The following SCNN1B variants were observed in gnomAD, a reference collection of about 807,000 sequenced individuals.
The protein encoded by SCNN1B is epithelial sodium channel subunit beta.
Under a neutral mutation model 65.3 loss-of-function variants are expected in SCNN1B, and 46 were observed. The ratio of observed to expected loss-of-function variants is 0.70; its 90% CI spans 0.56 to 0.90. The LOEUF (loss-of-function observed/expected upper bound fraction) is 0.90, where lower values mean the gene tolerates loss of function less well. Among genes scored for constraint, SCNN1B ranks in the 40% least tolerant of loss-of-function variants. The pLI is 0.00. For synonymous variants in SCNN1B, 349 were observed against 330.6 expected (o/e 1.06, Z -0.60); for missense variants, 751 against 830.5 (o/e 0.90, Z 1.18).
upstream of SCNN1B, chr16:23,302,233 G>C (rs967959844): frequency 1.3e-5 from 2 of 152,406 alleles, no homozygotes; most frequent in African/African-American, 4.8e-5. Flanking sequence ...TGGCCAGGCC[G>C]GTAGCGCCCA....
chr16:23,341,945 T>C lies in SCNN1B; in HGVS notation c.-8-6647T>C, dbSNP rs184256344. Among the ~76,000 whole-genome samples the C allele has an allele frequency of 1.0e-3, 152 of 152,266 alleles. 4 individuals carry two copies. Among genetic ancestry groups the C allele is most frequent in the African/African-American group, 3.4e-3 (140 of 41,548 alleles). On this transcript the variant is annotated intron_variant, in intron 1 of 12. Transcript: ENST00000343070. ...GTTCCTCAAAAGGTTAAACATAGAATTACCATCAGACTCAGATCAGGAGTT... is the reference window on the plus strand; with the variant it reads ...GTTCCTCAAAAGGTTAAACATAGAACTACCATCAGACTCAGATCAGGAGTT...
At chr16:23,319,772 T>G (rs1961549293) in intron 1 of SCNN1B, among the ~76,000 whole-genome samples, 1 of 152,070 alleles carries the variant, frequency 6.6e-6, no homozygotes, top group East Asian at 1.9e-4. Context: ...TGTTTTATTT[T>G]TTGTTTTTTT....
In SCNN1B at chr16:23,352,855, C is replaced by T; in HGVS notation, c.366C>T (p.Val122=). The T allele has an allele frequency of 6.2e-7, 1 of 1,614,176 alleles. No individual in the cohort carries two copies. Residue 122 remains valine, a synonymous_variant, in exon 3 of 13, where the codon GTC becomes GTT. Transcript: ENST00000343070. ...ACCTGGATGAGCTGATGGAAGCTGTCCTGGAGAGAATCCTGGCTCCTGAGC... is the reference window on the plus strand; with the variant it reads ...ACCTGGATGAGCTGATGGAAGCTGTTCTGGAGAGAATCCTGGCTCCTGAGC... ...LKDLDELMEA[V]LERILAPELS... is the part of the protein sequence containing the mutation.
upstream of SCNN1B, among the ~76,000 whole-genome samples, chr16:23,299,419 A>C (rs954714433): frequency 2.0e-5 from 3 of 152,130 alleles, no homozygotes; most frequent in Admixed American, 2.0e-4. Context: ...TATGGTCACA[A>C]CCAAATACAC....
intron 1 of SCNN1B, among the ~76,000 whole-genome samples, chr16:23,326,799 A>T (rs995238901): frequency 6.6e-6 from 1 of 152,104 alleles, no homozygotes; most frequent in Non-Finnish European, 1.5e-5. Context: ...TTTATGGGGA[A>T]CAAATGCAGT....
At chr16:23,329,882 T>C (rs62029377) in intron 1 of SCNN1B, among the ~76,000 whole-genome samples, 10 of 151,840 alleles carry the variant, frequency 6.6e-5, no homozygotes, top group Non-Finnish European at 1.5e-4. Context: ...AAAAATTAGT[T>C]GGGTGTGGTG....
chr16:23,336,676 AT>A (rs963152976), intron 1 of SCNN1B, among the ~76,000 whole-genome samples: 2 of 151,292 alleles, frequency 1.3e-5, no homozygotes, highest in Non-Finnish European at 3.0e-5. Flanking sequence ...GGCCAAGATG[AT>A]TTTTTTTTCA....
chr16:23,380,821 G>C lies in SCNN1B; in HGVS notation c.*20G>C, dbSNP rs755277136. On this transcript the variant is annotated 3_prime_UTR_variant, in exon 13 of 13. Coordinates refer to ENST00000343070, the MANE Select transcript of SCNN1B (RefSeq NM_000336.3). The surrounding 1 kb of genome is among the most constrained non-coding windows in gnomAD (Gnocchi z 5.4). ...ATCTAACCCTGCCCCTGCCCACCCC[G>C]GGCGGCTGAAACTCACTGAGCAGCC... 8.7e-6 allele frequency: 14 copies of C among 1,611,160 alleles called. No homozygotes were observed. In the African/African-American group the frequency reaches 1.2e-4, roughly 14 times the overall value.
chr16:23,365,480 GAA>G (rs1032610108), intron 4 of SCNN1B, among the ~76,000 whole-genome samples: 2 of 106,860 alleles, frequency 1.9e-5, no homozygotes, highest in South Asian at 3.0e-4. Flanking sequence ...AAGAGAGAAA[GAA>G]AAAGAAGAAA....
Position 23,380,324 on chromosome 16 carries a change from C to A in SCNN1B, c.1543-97C>A. ...CTGGGCCAAGATGGTCACCCCCTCC[C>A]GTTCCCACCCAAGAATCACCTCCCA... On this transcript the variant is annotated intron_variant, in intron 12 of 12. Transcript: ENST00000343070. The surrounding 1 kb of genome is among the most constrained non-coding windows in gnomAD (Gnocchi z 5.4). 1 of 1,592,240 alleles carries A rather than the reference C, an allele frequency of 6.3e-7. No individual in the cohort carries two copies. The highest frequency in any genetic ancestry group is 8.6e-7 in the Non-Finnish European group (1 of 1,162,868).
chr16:23,346,635 G>A (rs1444615379), intron 1 of SCNN1B, among the ~76,000 whole-genome samples: 4 of 151,662 alleles, frequency 2.6e-5, no homozygotes, highest in Non-Finnish European at 2.9e-5. Flanking sequence ...AAGCCCTTGC[G>A]TGGCCTGGCC....
In SCNN1B at chr16:23,371,810, C is replaced by T. The variant is rs777426154; in HGVS notation, c.1079C>T (p.Pro360Leu). The change falls in exon 7 of 13, where the codon CCG (proline) becomes CTG (leucine). Residue 360 changes from proline to leucine, a missense_variant. Transcript: ENST00000343070. ...CAGCGCATGGGGGAGCCCTACAGCC[C>T]GTGCACCGTGAATGGTTCTGAGGTC... ...KLQRMGEPYS[P>L]CTVNGSEVPV... is the part of the protein sequence containing the mutation. 5 of 1,614,194 alleles carry T rather than the reference C, an allele frequency of 3.1e-6. No individual in the cohort carries two copies. In the South Asian group the frequency reaches 3.3e-5, roughly 11 times the overall value.
At chr16:23,372,427 T>C (rs1962803961) in intron 7 of SCNN1B, among the ~76,000 whole-genome samples, 1 of 152,054 alleles carries the variant, frequency 6.6e-6, no homozygotes, top group Admixed American at 6.5e-5. Flanking sequence ...ATCATTCCCA[T>C]TCTGGGAATG....
At chr16:23,297,585 C>A (rs1037652841), upstream of SCNN1B, among the ~76,000 whole-genome samples, 2 of 152,130 alleles carry the variant, frequency 1.3e-5, no homozygotes, top group African/African-American at 4.8e-5. Flanking sequence ...CAGCCTCTTC[C>A]AAAATATAGC....
intron 7 of SCNN1B, among the ~76,000 whole-genome samples, chr16:23,375,243 A>G (rs1962868981): frequency 6.6e-6 from 1 of 152,116 alleles, no homozygotes; most frequent in South Asian, 2.1e-4. Flanking sequence ...CTGTGCATTA[A>G]GACGCCCAGA....
At chr16:23,328,707 C>T (rs1413818155) in intron 1 of SCNN1B, among the ~76,000 whole-genome samples, 1 of 152,236 alleles carries the variant, frequency 6.6e-6, no homozygotes, top group Non-Finnish European at 1.5e-5. Flanking sequence ...AAGTCCTGTC[C>T]TGCAACAATT....
chr16:23,343,594 A>AGAAAGAAAGAAAGAAG, intron 1 of SCNN1B, among the ~76,000 whole-genome samples: 1 of 79,530 alleles, frequency 1.3e-5, no homozygotes, highest in East Asian at 4.2e-4. Context: ...AAAGAAAGAA[A>AGAAAGAAAGAAAGAAG]GAAAGAAAGA....
intron 1 of SCNN1B, 94 bp downstream of exon 1, chr16:23,302,531 G>T (rs1961106349): frequency 6.6e-6 from 1 of 152,468 alleles, no homozygotes; most frequent in African/African-American, 2.4e-5. Context: ...CGGCCCGCGA[G>T]CTCCTGTCCC....
intron 4 of SCNN1B, among the ~76,000 whole-genome samples, chr16:23,366,380 AT>A (rs770497278): frequency 4.3e-5 from 5 of 117,180 alleles, no homozygotes; most frequent in African/African-American, 1.5e-4. Context: ...TTTTTATTTT[AT>A]TTTATTTTTT....
Sources: gnomAD v4.1 joint callset for allele counts (sites outside exome capture counted in the v4.1 genomes callset) on GRCh38, gnomAD v4.1.1 for gene constraint, Gnocchi (gnomAD v3.1) non-coding constraint, MANE v1.5 for transcripts, NCBI Gene and HGNC (gene_info 2026-07-23, HGNC 2026-07-21) for gene names.